Variants in CSMD1 observed in about 807,000 individuals in gnomAD.
CSMD1 encodes the protein CUB and sushi domain-containing protein 1.
CSMD1 carries 213 observed loss-of-function variants against 417.5 expected under a neutral mutation model. The ratio of observed to expected loss-of-function variants is 0.51; its 90% CI spans 0.46 to 0.57. The LOEUF is 0.57. Among genes scored for constraint, CSMD1 ranks in the 20% least tolerant of loss-of-function variants. The pLI, the probability that CSMD1 is intolerant of heterozygous loss-of-function variation, is 0.00. For synonymous variants in CSMD1, 2,862 were observed against 1,736.8 expected, an observed-to-expected ratio of 1.65 and a Z score of -16.11; for missense variants, 6,923 against 4,529.7, an observed-to-expected ratio of 1.53 and a Z score of -15.17.
chr8:3,461,718 G>A (rs777657690), intron 12 of CSMD1, among the ~76,000 whole-genome samples: 10 of 152,224 alleles, frequency 6.6e-5, no homozygotes, highest in Admixed American at 2.0e-4. Flanking sequence ...GCCCTAATCA[G>A]GAGAAAAAGC....
chr8:3,181,091 C>A lies in CSMD1; in HGVS notation c.5725+19G>T. Reference sequence around the variant, plus strand: ...TCAGTATAACAGTGGAAGCTGTATACAGAAAGAGTTGACCTTACTTTTGTA... The same window carrying A: ...TCAGTATAACAGTGGAAGCTGTATAAAGAAAGAGTTGACCTTACTTTTGTA... On this transcript the variant is annotated intron_variant, in intron 37 of 69. Transcript: ENST00000635120. The A allele has an allele frequency of 6.6e-7, 1 of 1,525,168 alleles. No homozygotes were observed. The highest frequency in any genetic ancestry group is 9.1e-7 in the Non-Finnish European group (1 of 1,100,008). 94.5% of individuals were successfully genotyped at this position (1,525,168 alleles called of 1,614,324 possible). A position where few individuals can be genotyped will look rare whatever the true frequency, so the allele number is the denominator to read the frequency against.
At chr8:3,857,856 C>T (rs1040152526) in intron 5 of CSMD1, among the ~76,000 whole-genome samples, 2 of 152,184 alleles carry the variant, frequency 1.3e-5, no homozygotes, top group Admixed American at 6.5e-5. Flanking sequence ...GTTACCTTTG[C>T]TGAGTGAGAG....
intron 3 of CSMD1, among the ~76,000 whole-genome samples, chr8:4,224,815 T>C (rs887949452): frequency 1.3e-5 from 2 of 152,206 alleles, no homozygotes; most frequent in South Asian, 2.1e-4. Context: ...ATATTCCTCA[T>C]CATGGGAGGA....
intron 7 of CSMD1, among the ~76,000 whole-genome samples, chr8:3,701,783 G>C (rs1800885295): frequency 6.6e-6 from 1 of 152,048 alleles, no homozygotes; most frequent in Non-Finnish European, 1.5e-5. Context: ...CACTTTATGT[G>C]GCCTTCTAAA....
At chr8:3,242,566 A>G (rs888390873) in intron 26 of CSMD1, among the ~76,000 whole-genome samples, 1 of 152,072 alleles carries the variant, frequency 6.6e-6, no homozygotes. Context: ...ACCACTGTCG[A>G]GTTTGTACTG....
intron 3 of CSMD1, among the ~76,000 whole-genome samples, chr8:4,158,428 C>G (rs1205852794): frequency 1.3e-5 from 2 of 151,316 alleles, no homozygotes; most frequent in Non-Finnish European, 1.5e-5. Context: ...TGCAAACAAA[C>G]AAACAAAAAA....
chr8:3,546,622 C>A (rs1798675906), intron 10 of CSMD1, among the ~76,000 whole-genome samples: 1 of 151,398 alleles, frequency 6.6e-6, no homozygotes, highest in Non-Finnish European at 1.5e-5. Context: ...AATAATACTG[C>A]AAAATGATTA....
intron 1 of CSMD1, among the ~76,000 whole-genome samples, chr8:4,831,348 T>C (rs547757133): frequency 1.3e-5 from 2 of 152,310 alleles, no homozygotes; most frequent in South Asian, 2.1e-4. Context: ...CAATACCTTA[T>C]AATTAACATC....
At chr8:3,343,220 C>G (rs1316022171) in intron 23 of CSMD1, 74 bp downstream of exon 23, 1 of 1,331,722 alleles carries the variant, frequency 7.5e-7, no homozygotes, top group Non-Finnish European at 1.1e-6. Flanking sequence ...ATATTTAAAA[C>G]TTAATATAAG....
In CSMD1 at chr8:4,609,727, A is replaced by C. The variant is rs190951382; in HGVS notation, c.302+27615T>G. Among the ~76,000 whole-genome samples, 572 of 152,322 alleles carry C rather than the reference A, an allele frequency of 3.8e-3. 3 individuals are homozygous for C. The highest frequency in any genetic ancestry group is 0.013 in the African/African-American group (556 of 41,586). On this transcript the variant is annotated intron_variant, in intron 2 of 69. Coordinates refer to ENST00000635120, the MANE Select transcript of CSMD1 (RefSeq NM_033225.6). Reference sequence around the variant, plus strand: ...TTTAGAGCAATTTAAACAAGAAAACAGAAAAAAGTCAAAGAAGAAAGAAGC... The same window carrying C: ...TTTAGAGCAATTTAAACAAGAAAACCGAAAAAAGTCAAAGAAGAAAGAAGC...
At chr8:4,940,328 G>T (rs140934305) in intron 1 of CSMD1, among the ~76,000 whole-genome samples, 1 of 152,132 alleles carries the variant, frequency 6.6e-6, no homozygotes, top group Non-Finnish European at 1.5e-5. Flanking sequence ...ATTTTCTGAC[G>T]TGCCCATGTA....
At chr8:4,761,897 AT>A (rs1812120597) in intron 1 of CSMD1, among the ~76,000 whole-genome samples, 23 of 88,266 alleles carry the variant, frequency 2.6e-4, no homozygotes, top group African/African-American at 9.3e-4. Context: ...CTACCTACCT[AT>A]CTATCTATCT....
rs1436143469 is a variant in CSMD1, at chr8:4,137,728, G to A, written c.416-105629C>T. Among the ~76,000 whole-genome samples, 2 of 83,932 alleles carry A rather than the reference G, an allele frequency of 2.4e-5. 1 individual carries two copies. Among genetic ancestry groups the A allele is most frequent in the Non-Finnish European group, 6.9e-5 (2 of 28,954 alleles). The allele number at this position is 83,932 out of a possible 152,430, so 55.1% of individuals were successfully genotyped here. ...CATCGATAAAGATACTGTATTTCAC[G>A]ATGTTGTATTTTATATAAAATTACA... is the stretch of plus-strand genomic sequence containing the variant. On this transcript the variant is annotated intron_variant, in intron 3 of 69. Coordinates refer to ENST00000635120, the MANE Select transcript of CSMD1 (RefSeq NM_033225.6).
intron 37 of CSMD1, among the ~76,000 whole-genome samples, chr8:3,177,715 T>G (rs1387947419): frequency 1.3e-5 from 2 of 152,156 alleles, no homozygotes; most frequent in East Asian, 3.9e-4. Flanking sequence ...TCAATCTTGT[T>G]GTTCCTCCCA....
At chr8:4,103,244 G>A (rs1001284621) in intron 3 of CSMD1, among the ~76,000 whole-genome samples, 5 of 120,762 alleles carry the variant, frequency 4.1e-5, no homozygotes, top group South Asian at 3.1e-4. Context: ...AATCTATACT[G>A]ATGATCAGTG....
intron 1 of CSMD1, among the ~76,000 whole-genome samples, chr8:4,742,543 TA>T: frequency 6.6e-6 from 1 of 152,008 alleles, no homozygotes; most frequent in East Asian, 1.9e-4. Flanking sequence ...TTATTTAAAT[TA>T]AAAATCTGAG....
chr8:4,415,624 A>T (rs1262879467), intron 3 of CSMD1, among the ~76,000 whole-genome samples: 1 of 152,210 alleles, frequency 6.6e-6, no homozygotes, highest in African/African-American at 2.4e-5. Flanking sequence ...GACAATAAGC[A>T]GTATTCATTT....
chr8:3,891,117 T>G (rs1199170739), intron 5 of CSMD1, among the ~76,000 whole-genome samples: 1 of 152,120 alleles, frequency 6.6e-6, no homozygotes, highest in African/African-American at 2.4e-5. Context: ...GTTGTGATCT[T>G]GGCTCATTAC....
chr8:3,901,798 G>C (rs1232073594), intron 5 of CSMD1, among the ~76,000 whole-genome samples: 3 of 152,158 alleles, frequency 2.0e-5, no homozygotes, highest in African/African-American at 4.8e-5. Flanking sequence ...GGTTTATTAA[G>C]CTCTTGGGGT....
Sources: gnomAD v4.1 joint callset for allele counts (sites outside exome capture counted in the v4.1 genomes callset) on GRCh38, gnomAD v4.1.1 for gene constraint, MANE v1.5 for transcripts, NCBI Gene and HGNC (gene_info 2026-07-23, HGNC 2026-07-21) for gene names.